The following MYRIP variants were observed in gnomAD, a reference collection of about 807,000 sequenced individuals.
MYRIP encodes rab effector MyRIP.
MYRIP carries 49 observed loss-of-function variants against 98.0 expected under a neutral mutation model. That is an observed-to-expected ratio of 0.50 (90% confidence interval 0.40 to 0.63). MYRIP has a LOEUF of 0.63. MYRIP is among the 30% of genes least tolerant of loss of function. MYRIP has a pLI of 0.00. For synonymous variants in MYRIP, 404 were observed against 409.5 expected, an observed-to-expected ratio of 0.99 and a Z score of 0.16; for missense variants, 1,004 against 1,058.2, an observed-to-expected ratio of 0.95 and a Z score of 0.71.
chr3:39,902,985 A>G (rs1943780060), intron 2 of MYRIP, among the ~76,000 whole-genome samples: 1 of 152,200 alleles, frequency 6.6e-6, no homozygotes, highest in Non-Finnish European at 1.5e-5. Flanking sequence ...ATGATGCTTG[A>G]AATCACCAGT....
chr3:39,900,974 C>T (rs1281245505), intron 2 of MYRIP, 48 bp downstream of exon 2: 1 of 1,416,194 alleles, frequency 7.1e-7, no homozygotes. Context: ...CACATGTGGA[C>T]AAGCGTAACA....
At chr3:40,183,195 A>G (rs967751633) in intron 9 of MYRIP, among the ~76,000 whole-genome samples, 4 of 152,162 alleles carry the variant, frequency 2.6e-5, no homozygotes, top group Non-Finnish European at 5.9e-5. Flanking sequence ...GCCCCACCTC[A>G]ATGCAGGCCC....
Position 40,154,282 on chromosome 3 carries a change from C to G in MYRIP, c.469+3098C>G, listed in dbSNP as rs144967646. On this transcript the variant is annotated intron_variant, in intron 4 of 16. Transcript: ENST00000302541. ...CTCCTTCTCCTGCAGCTCACAGCAG[C>G]TGACCAGATTAGGCCTAAAAGAAAA... is the stretch of plus-strand genomic sequence containing the variant. 2.6e-3 allele frequency among the ~76,000 whole-genome samples: 400 copies of G among 152,274 alleles called. 2 individuals are homozygous for G. Among genetic ancestry groups the G allele is most frequent in the African/African-American group, 9.4e-3 (391 of 41,554 alleles).
chr3:39,822,930 C>T (rs1251367457), intron 1 of MYRIP, among the ~76,000 whole-genome samples: 1 of 151,150 alleles, frequency 6.6e-6, no homozygotes, highest in African/African-American at 2.4e-5. Flanking sequence ...ATTTTCTTTA[C>T]CCATTAACCT....
intron 4 of MYRIP, 91 bp downstream of exon 4, chr3:40,151,275 C>A (rs1046152555): frequency 2.9e-5 from 39 of 1,344,352 alleles, no homozygotes; most frequent in African/African-American, 5.9e-5. Flanking sequence ...AGCACACTCA[C>A]CTGGGACAGA....
Position 40,166,955 on chromosome 3 carries a change from C to T in MYRIP, c.648+12C>T, listed in dbSNP as rs1166832246. On this transcript the variant is annotated intron_variant, in intron 6 of 16. Coordinates refer to ENST00000302541, the MANE Select transcript of MYRIP (RefSeq NM_015460.4). ...ATGGGGACAGCCTGGTAGGGCCCCTCCTGCTCCTCTCTGTGGGGGGAGGTG... is the reference window on the plus strand; with the variant it reads ...ATGGGGACAGCCTGGTAGGGCCCCTTCTGCTCCTCTCTGTGGGGGGAGGTG... 1 of 1,601,722 alleles carries T rather than the reference C, an allele frequency of 6.2e-7. No individual in the cohort carries two copies. The highest frequency in any genetic ancestry group is 8.6e-7 in the Non-Finnish European group (1 of 1,168,790).
At chr3:40,196,729 C>G (rs1951404454) in intron 10 of MYRIP, among the ~76,000 whole-genome samples, 1 of 152,206 alleles carries the variant, frequency 6.6e-6, no homozygotes, top group Admixed American at 6.5e-5. Flanking sequence ...TGGGCATTAA[C>G]AAGACAAGGT....
intron 13 of MYRIP, among the ~76,000 whole-genome samples, chr3:40,245,518 G>A (rs1009113753): frequency 7.3e-5 from 11 of 151,488 alleles, no homozygotes; most frequent in Admixed American, 3.9e-4. Context: ...GAGTGGTGGC[G>A]GGCGCCTGTA....
At chr3:40,196,899 C>CTGA (rs1951408060) in intron 10 of MYRIP, among the ~76,000 whole-genome samples, 1 of 152,182 alleles carries the variant, frequency 6.6e-6, no homozygotes, top group Admixed American at 6.5e-5. Context: ...TGTCATCTCA[C>CTGA]TCTCTGCTAG....
intron 1 of MYRIP, among the ~76,000 whole-genome samples, chr3:39,840,092 T>C (rs1287703217): frequency 1.3e-5 from 2 of 152,182 alleles, no homozygotes; most frequent in Non-Finnish European, 2.9e-5. Flanking sequence ...CCCACTATTA[T>C]TGTGTGGTAG....
rs563919602 is a variant in MYRIP at position 40,165,781 on chromosome 3, A to G, written c.551-1065A>G. ...TAAAAAAAAAAAAAAAAAGTTCACT[A>G]AAAGTATGGTAGCACTATATTTTTT... On this transcript the variant is annotated intron_variant, in intron 5 of 16. Transcript: ENST00000302541. Among the ~76,000 whole-genome samples, 6 of 152,244 alleles carry G rather than the reference A, an allele frequency of 3.9e-5. No homozygotes were observed. In the South Asian group the frequency reaches 1.0e-3, roughly 26 times the overall value.
chr3:40,061,644 T>C (rs1948017268), intron 3 of MYRIP, among the ~76,000 whole-genome samples: 1 of 152,236 alleles, frequency 6.6e-6, no homozygotes, highest in Non-Finnish European at 1.5e-5. Flanking sequence ...TTTTTAGTTC[T>C]TTGAGGAATT....
chr3:40,036,049 A>G (rs1559374401), intron 2 of MYRIP, among the ~76,000 whole-genome samples: 1 of 151,888 alleles, frequency 6.6e-6, no homozygotes, highest in Non-Finnish European at 1.5e-5. Context: ...TTGGAATTCT[A>G]GGAGGAGAAA....
intron 2 of MYRIP, among the ~76,000 whole-genome samples, chr3:39,932,068 A>AG (rs1323053877): frequency 6.6e-6 from 1 of 152,138 alleles, no homozygotes; most frequent in Non-Finnish European, 1.5e-5. Context: ...AATATTTACT[A>AG]GGTTGTGTTC....
Position 40,026,041 on chromosome 3 carries a change from A to C in MYRIP, c.111-18009A>C, listed in dbSNP as rs549709264. Among the ~76,000 whole-genome samples the C allele has an allele frequency of 5.3e-5, 8 of 152,012 alleles. 1 individual carries two copies. The South Asian group carries it at 1.7e-3, about 32-fold the overall frequency. Reference sequence around the variant, plus strand: ...ATTTACCAGGGTGTGGTTTTTCCCCACCCTAGTAAACCTGACGGTAATGCA... The same window carrying C: ...ATTTACCAGGGTGTGGTTTTTCCCCCCCCTAGTAAACCTGACGGTAATGCA... On this transcript the variant is annotated intron_variant, in intron 2 of 16. Coordinates refer to ENST00000302541, the MANE Select transcript of MYRIP (RefSeq NM_015460.4).
intron 3 of MYRIP, among the ~76,000 whole-genome samples, chr3:40,081,010 A>G (rs890317310): frequency 6.6e-6 from 1 of 151,984 alleles, no homozygotes; most frequent in Non-Finnish European, 1.5e-5. Context: ...TGTGTTATCT[A>G]AAAACACATT....
intron 2 of MYRIP, among the ~76,000 whole-genome samples, chr3:39,975,965 A>G (rs955978071): frequency 5.3e-5 from 8 of 152,184 alleles, no homozygotes; most frequent in African/African-American, 1.7e-4. Flanking sequence ...AACCTAGACA[A>G]TACCATTCAG....
At position 40,006,419 on chromosome 3, in the gene MYRIP, C is replaced by A. The variant is rs563255130; in HGVS notation, c.111-37631C>A. Among the ~76,000 whole-genome samples, 7 of 152,170 alleles carry A rather than the reference C, an allele frequency of 4.6e-5. No individual in the cohort carries two copies. The South Asian group carries it at 8.3e-4, about 18-fold the overall frequency. ...AAAAGGAGGCTGCTGTGGTGGTCCC[C>A]AGGGCAGTGAGGTAGTGTTGAATTA... On this transcript the variant is annotated intron_variant, in intron 2 of 16. Coordinates refer to ENST00000302541, the MANE Select transcript of MYRIP (RefSeq NM_015460.4).
chr3:39,850,272 A>T (rs986735881), intron 1 of MYRIP, among the ~76,000 whole-genome samples: 2 of 152,238 alleles, frequency 1.3e-5, no homozygotes, highest in African/African-American at 2.4e-5. Flanking sequence ...GGGTCAGCCC[A>T]CATACCCTCA....
Sources: gnomAD v4.1 joint callset for allele counts (sites outside exome capture counted in the v4.1 genomes callset) on GRCh38, gnomAD v4.1.1 for gene constraint, MANE v1.5 for transcripts, NCBI Gene and HGNC (gene_info 2026-07-23, HGNC 2026-07-21) for gene names.